FRAS1: variants seen among roughly 807,000 people sequenced by gnomAD.
FRAS1 encodes the protein extracellular matrix organizing protein FRAS1.
A neutral mutation model predicts 435.2 loss-of-function variants in FRAS1; 290 were observed. The observed-to-expected ratio is 0.67, with a 90% CI of 0.61 to 0.73. The LOEUF (loss-of-function observed/expected upper bound fraction) is 0.73, where lower values mean the gene tolerates loss of function less well. FRAS1 is among the 30% of genes least tolerant of loss of function. The pLI, the probability that FRAS1 is intolerant of heterozygous loss-of-function variation, is 0.00. For missense variants in FRAS1, 4,860 were observed against 5,001.5 expected (o/e 0.97, Z 0.85); for synonymous variants, 1,800 against 1,851.0 (o/e 0.97, Z 0.71).
At chr4:78,288,113 A>G (rs937317546) in intron 14 of FRAS1, among the ~76,000 whole-genome samples, 1 of 152,234 alleles carries the variant, frequency 6.6e-6, no homozygotes, top group African/African-American at 2.4e-5. Flanking sequence ...AAAACAGAAA[A>G]GAACCCTTAG....
chr4:78,381,496 G>T, intron 27 of FRAS1, among the ~76,000 whole-genome samples: 1 of 152,116 alleles, frequency 6.6e-6, no homozygotes, highest in East Asian at 1.9e-4. Context: ...CACTGTATTT[G>T]CCAGGCTGGT....
chr4:78,152,374 G>T (rs1429399746), intron 2 of FRAS1, among the ~76,000 whole-genome samples: 4 of 151,448 alleles, frequency 2.6e-5, no homozygotes, highest in African/African-American at 9.8e-5. Flanking sequence ...TGGGGGTCAG[G>T]TTGAATTTCT....
intron 58 of FRAS1, among the ~76,000 whole-genome samples, chr4:78,483,799 A>ATATATATATATATACATATATAT (rs1560753038): frequency 3.0e-5 from 2 of 67,464 alleles, no homozygotes; most frequent in African/African-American, 8.3e-5. Flanking sequence ...TATATATATA[A>ATATATATATATATACATATATAT]AATTATGTAT....
At chr4:78,089,034 G>T (rs1198130795) in intron 2 of FRAS1, among the ~76,000 whole-genome samples, 1 of 152,062 alleles carries the variant, frequency 6.6e-6, no homozygotes, top group African/African-American at 2.4e-5. Context: ...CAACCGAAAT[G>T]TCCAACAATG....
At position 78,421,347 on chromosome 4, in the gene FRAS1, C is replaced by T. The variant is rs192502962; in HGVS notation, c.4541-516C>T. Among the ~76,000 whole-genome samples the T allele has an allele frequency of 1.2e-3, 184 of 152,130 alleles. 1 individual carries two copies. Among genetic ancestry groups the T allele is most frequent in the African/African-American group, 4.0e-3 (168 of 41,508 alleles). ...GTTTTTAGTAGATACAGGGTTTCACCGTGTTGGCCAGGCTGGTCTTGAACT... is the reference window on the plus strand; with the variant it reads ...GTTTTTAGTAGATACAGGGTTTCACTGTGTTGGCCAGGCTGGTCTTGAACT... On this transcript the variant is annotated intron_variant, in intron 33 of 73. Coordinates refer to ENST00000512123, the MANE Select transcript of FRAS1 (RefSeq NM_025074.7).
chr4:78,202,826 A>G (rs1723099068), intron 2 of FRAS1, among the ~76,000 whole-genome samples: 1 of 152,230 alleles, frequency 6.6e-6, no homozygotes, highest in Non-Finnish European at 1.5e-5. Context: ...TGCCTCAGGT[A>G]AAGGGGTCAC....
chr4:78,378,390 G>A (rs1560691762), intron 26 of FRAS1, among the ~76,000 whole-genome samples: 2 of 152,094 alleles, frequency 1.3e-5, no homozygotes. Flanking sequence ...ATGAACATTT[G>A]TGTACAAGTT....
rs779492356 is a variant in FRAS1, at chr4:78,432,442, G to A, written c.5055G>A (p.Glu1685=). ...CCTCTACCCGGGAAGACAGCATGGA[G>A]ATCTCAGTCACAGATGGCCTCACAG... ...DGSSTREDSM[E]ISVTDGLTVT... Residue 1685 remains glutamate, a synonymous_variant, in exon 38 of 74, where the codon GAG becomes GAA. Coordinates refer to ENST00000512123, the MANE Select transcript of FRAS1 (RefSeq NM_025074.7). The A allele has an allele frequency of 6.2e-7, 1 of 1,613,014 alleles. No individual in the cohort carries two copies.
At position 78,311,441 on chromosome 4, in the gene FRAS1, G is replaced by A. The variant is rs73827966; in HGVS notation, c.1678+3232G>A. 1.5e-3 allele frequency among the ~76,000 whole-genome samples: 234 copies of A among 152,096 alleles called. 1 individual carries two copies. Among genetic ancestry groups the A allele is most frequent in the African/African-American group, 5.3e-3 (218 of 41,468 alleles). On this transcript the variant is annotated intron_variant, in intron 15 of 73. Coordinates refer to ENST00000512123, the MANE Select transcript of FRAS1 (RefSeq NM_025074.7). ...TCTCACTGCTATGTAGCACTCCCTG[G>A]TGTGCCCCCGTCATATTACCCATCC...
intron 2 of FRAS1, among the ~76,000 whole-genome samples, chr4:78,112,367 C>T (rs572201897): frequency 6.6e-6 from 1 of 152,106 alleles, no homozygotes; most frequent in Non-Finnish European, 1.5e-5. Flanking sequence ...CCTCTGCAAT[C>T]TGTAGATCTG....
intron 28 of FRAS1, 109 bp from the exon 29 acceptor site, chr4:78,387,266 G>C: frequency 1.2e-6 from 1 of 807,816 alleles, no homozygotes; most frequent in Non-Finnish European, 2.0e-6. Context: ...TGCTTTGCTA[G>C]AACACTTAGA....
At chr4:78,131,930 A>G (rs1003838648) in intron 2 of FRAS1, among the ~76,000 whole-genome samples, 6 of 152,252 alleles carry the variant, frequency 3.9e-5, no homozygotes, top group Non-Finnish European at 7.3e-5. Context: ...GTAGTTGCTG[A>G]TAAGTAGGTA....
At chr4:78,135,633 G>GT (rs1185571506) in intron 2 of FRAS1, among the ~76,000 whole-genome samples, 1 of 152,178 alleles carries the variant, frequency 6.6e-6, no homozygotes, top group East Asian at 1.9e-4. Flanking sequence ...TGCTAGAAGA[G>GT]TTTTTTATTT....
chr4:78,216,061 C>T (rs1057292012), intron 2 of FRAS1, among the ~76,000 whole-genome samples: 15 of 152,186 alleles, frequency 9.9e-5, no homozygotes, highest in Non-Finnish European at 2.9e-5. Flanking sequence ...TCTTACAGAT[C>T]CTGGGCTTTT....
intron 2 of FRAS1, among the ~76,000 whole-genome samples, chr4:78,103,350 C>T (rs892274942): frequency 6.6e-6 from 1 of 152,188 alleles, no homozygotes; most frequent in Non-Finnish European, 1.5e-5. Context: ...CTCTTGCCCT[C>T]TGAGAGGTCA....
At chr4:78,226,503 T>C (rs1015004817) in intron 2 of FRAS1, among the ~76,000 whole-genome samples, 3 of 152,080 alleles carry the variant, frequency 2.0e-5, no homozygotes, top group Non-Finnish European at 4.4e-5. Context: ...AATTTAAAGA[T>C]TTGTCTTCTG....
chr4:78,524,614 G>A (rs770413361), intron 69 of FRAS1, among the ~76,000 whole-genome samples: 15 of 152,154 alleles, frequency 9.9e-5, no homozygotes, highest in Non-Finnish European at 1.9e-4. Flanking sequence ...GAGAAAAGTA[G>A]GACCGAAGGC....
At chr4:78,225,264 G>T (rs1724220999) in intron 2 of FRAS1, among the ~76,000 whole-genome samples, 1 of 152,192 alleles carries the variant, frequency 6.6e-6, no homozygotes, top group Non-Finnish European at 1.5e-5. Flanking sequence ...GCTTGGTCAA[G>T]ATACTTACCT....
At chr4:78,184,921 G>T (rs1157008135) in intron 2 of FRAS1, among the ~76,000 whole-genome samples, 2 of 152,194 alleles carry the variant, frequency 1.3e-5, no homozygotes, top group African/African-American at 4.8e-5. Flanking sequence ...CAATGGCTCT[G>T]TCCTTCCTTC....
Sources: gnomAD v4.1 joint callset for allele counts (sites outside exome capture counted in the v4.1 genomes callset) on GRCh38, gnomAD v4.1.1 for gene constraint, MANE v1.5 for transcripts, NCBI Gene and HGNC (gene_info 2026-07-23, HGNC 2026-07-21) for gene names.